Variants in HS6ST3 observed in about 807,000 individuals in gnomAD.
The protein encoded by HS6ST3 is heparan-sulfate 6-O-sulfotransferase 3.
In HS6ST3, 12 loss-of-function variants were observed where a neutral mutation model predicts 36.7. The ratio of observed to expected loss-of-function variants is 0.33; its 90% CI spans 0.21 to 0.53. HS6ST3 has a LOEUF of 0.53. Ranked by LOEUF, HS6ST3 falls within the 20% of genes least tolerant of loss-of-function variation. The pLI is 0.95. For synonymous variants in HS6ST3, 240 were observed against 257.5 expected (o/e 0.93, Z 0.65); for missense variants, 584 against 640.9 (o/e 0.91, Z 0.96).
At chr13:96,649,777 A>G (rs1411905455) in intron 1 of HS6ST3, among the ~76,000 whole-genome samples, 1 of 151,746 alleles carries the variant, frequency 6.6e-6, no homozygotes, top group African/African-American at 2.4e-5. Flanking sequence ...TCTTAAAAAT[A>G]TAGGTCAGAT....
In HS6ST3 at chr13:96,364,681, T is replaced by C. The variant is rs2055254858; in HGVS notation, c.707+273112T>C. 2.0e-5 allele frequency among the ~76,000 whole-genome samples: 3 copies of C among 152,252 alleles called. No homozygotes were observed. In the South Asian group the frequency reaches 6.2e-4, roughly 32 times the overall value. ...ATGATGAACAAGTTCAGGAAATGGA[T>C]AGTGGTGATGGTTGCATAATGTTGT... is the stretch of plus-strand genomic sequence containing the variant. On this transcript the variant is annotated intron_variant, in intron 1 of 1. Transcript: ENST00000376705.
At chr13:96,557,299 G>C (rs9584383) in intron 1 of HS6ST3, among the ~76,000 whole-genome samples, 14,954 of 152,166 alleles carry the variant, frequency 0.098, 1,393 homozygotes, top group African/African-American at 0.25. Context: ...GCACAACCAG[G>C]TCTGAACTGC....
chr13:96,411,491 GC>G (rs1566353409), intron 1 of HS6ST3, among the ~76,000 whole-genome samples: 1 of 152,196 alleles, frequency 6.6e-6, no homozygotes, highest in African/African-American at 2.4e-5. Context: ...TGGGAGTAGA[GC>G]TAAACGAGGT....
intron 1 of HS6ST3, among the ~76,000 whole-genome samples, chr13:96,658,369 C>G (rs1398972167): frequency 1.4e-5 from 2 of 146,874 alleles, no homozygotes; most frequent in South Asian, 4.4e-4. Flanking sequence ...CAACCTCTGC[C>G]TCCTGGGTTT....
intron 1 of HS6ST3, among the ~76,000 whole-genome samples, chr13:96,493,061 AC>A (rs1469456329): frequency 6.6e-6 from 1 of 152,190 alleles, no homozygotes; most frequent in African/African-American, 2.4e-5. Context: ...GTTGCCCTTC[AC>A]TTGGCTTCCC....
intron 1 of HS6ST3, among the ~76,000 whole-genome samples, chr13:96,190,840 T>G (rs1371566002): frequency 2.0e-5 from 3 of 152,142 alleles, no homozygotes; most frequent in Non-Finnish European, 4.4e-5. Context: ...GGAGAAACTC[T>G]ACTTCAGGTA....
At chr13:96,137,159 C>T (rs112813059) in intron 1 of HS6ST3, among the ~76,000 whole-genome samples, 2,337 of 116,232 alleles carry the variant, frequency 0.02, 57 homozygotes, top group African/African-American at 0.069. Flanking sequence ...CTTCCTCCAC[C>T]CCCACCCCCA....
At chr13:96,726,552 G>A (rs1876010296) in intron 1 of HS6ST3, among the ~76,000 whole-genome samples, 1 of 152,062 alleles carries the variant, frequency 6.6e-6, no homozygotes, top group South Asian at 2.1e-4. Context: ...TTAAATATTG[G>A]TCTTTATTAT....
At chr13:96,783,583 T>TC (rs1220964486) in intron 1 of HS6ST3, among the ~76,000 whole-genome samples, 1 of 151,812 alleles carries the variant, frequency 6.6e-6, no homozygotes, top group Non-Finnish European at 1.5e-5. Flanking sequence ...TTTTTTTTTT[T>TC]CTGCCTTATG....
intron 1 of HS6ST3, among the ~76,000 whole-genome samples, chr13:96,391,094 T>C (rs1400432077): frequency 1.3e-5 from 2 of 152,230 alleles, no homozygotes; most frequent in African/African-American, 4.8e-5. Context: ...GGACTTCCTC[T>C]TCTGATTCCT....
At chr13:96,556,664 A>G (rs1594806244) in intron 1 of HS6ST3, among the ~76,000 whole-genome samples, 1 of 152,274 alleles carries the variant, frequency 6.6e-6, no homozygotes, top group Middle Eastern at 3.4e-3. Flanking sequence ...TGAAAAGATG[A>G]ATGCATTTTA....
chr13:96,398,099 T>C (rs750133833), intron 1 of HS6ST3, among the ~76,000 whole-genome samples: 1 of 152,166 alleles, frequency 6.6e-6, no homozygotes, highest in Non-Finnish European at 1.5e-5. Flanking sequence ...ATGGGGATAA[T>C]AACCCTATCT....
intron 1 of HS6ST3, among the ~76,000 whole-genome samples, chr13:96,472,614 G>A (rs35876776): frequency 0.015 from 2,239 of 152,122 alleles, 45 homozygotes; most frequent in African/African-American, 0.047. Context: ...TCATTGCTTC[G>A]GCCATCTGTT....
chr13:96,156,306 T>C (rs1430304989), intron 1 of HS6ST3, among the ~76,000 whole-genome samples: 1 of 152,188 alleles, frequency 6.6e-6, no homozygotes, highest in African/African-American at 2.4e-5. Context: ...GGTGCTATAC[T>C]GTGGCATCCT....
chr13:96,296,023 A>G (rs1246485860), intron 1 of HS6ST3, among the ~76,000 whole-genome samples: 4 of 152,138 alleles, frequency 2.6e-5, no homozygotes, highest in African/African-American at 9.7e-5. Flanking sequence ...TCAGTACAGG[A>G]GCCACTAGCC....
At chr13:96,123,159 GT>G (rs2053934389) in intron 1 of HS6ST3, among the ~76,000 whole-genome samples, 1 of 152,142 alleles carries the variant, frequency 6.6e-6, no homozygotes, top group Admixed American at 6.5e-5. Context: ...ATGTCACCAT[GT>G]TTCACAAGCT....
intron 1 of HS6ST3, among the ~76,000 whole-genome samples, chr13:96,092,651 T>C (rs1402319946): frequency 6.6e-6 from 1 of 151,786 alleles, no homozygotes; most frequent in Non-Finnish European, 1.5e-5. Flanking sequence ...CTCAAGCTGA[T>C]TATGTTGATA....
intron 1 of HS6ST3, among the ~76,000 whole-genome samples, chr13:96,128,422 G>A (rs1369304150): frequency 2.0e-5 from 3 of 152,136 alleles, no homozygotes; most frequent in Non-Finnish European, 4.4e-5. Flanking sequence ...GCATGGGTTG[G>A]CTTTAAAGTG....
chr13:96,472,028 G>A (rs1381608147), intron 1 of HS6ST3, among the ~76,000 whole-genome samples: 1 of 152,086 alleles, frequency 6.6e-6, no homozygotes, highest in Admixed American at 6.5e-5. Flanking sequence ...ATGGAAACAT[G>A]GGCTGCTTCT....
Sources: gnomAD v4.1 joint callset for allele counts (sites outside exome capture counted in the v4.1 genomes callset) on GRCh38, gnomAD v4.1.1 for gene constraint, MANE v1.5 for transcripts, NCBI Gene and HGNC (gene_info 2026-07-23, HGNC 2026-07-21) for gene names.